SPC24: variants seen among roughly 807,000 people sequenced by gnomAD.
The protein encoded by SPC24 is SPC24 component of NDC80 kinetochore complex.
In SPC24, 31 loss-of-function variants were observed where a neutral mutation model predicts 27.6. The ratio of observed to expected loss-of-function variants is 1.12; its 90% CI spans 0.84 to 1.52. SPC24 has a LOEUF of 1.52. SPC24 is among the 40% of genes most tolerant of loss of function. SPC24 has a pLI of 0.00. For synonymous variants in SPC24, 105 were observed against 105.8 expected (o/e 0.99, Z 0.05); for missense variants, 284 against 252.5 (o/e 1.12, Z -0.84).
At position 11,155,738 on chromosome 19, in the gene SPC24, C is replaced by A. The variant is rs1168529641; in HGVS notation, c.39G>T (p.Gly13=). ...AFRDIEEVSQ[G]LLSLLGANRA... is the part of the protein sequence containing the mutation. ...GGTTGGCGCCCAGCAGGCTGAGCAG[C>A]CCCTGGCTCACCTCCTCTATGTCGC... Residue 13 remains glycine, a synonymous_variant, in exon 1 of 5, where the codon GGG becomes GGT. Transcript: ENST00000592540. The A allele has an allele frequency of 2.5e-6, 4 of 1,578,126 alleles. No homozygotes were observed. Among genetic ancestry groups the A allele is most frequent in the South Asian group, 1.1e-5 (1 of 88,194 alleles).
rs79972037 is a variant in SPC24 at position 11,147,717 on chromosome 19, C to T, written c.487+101G>A. The T allele has an allele frequency of 9.1e-3, 9,831 of 1,084,016 alleles. 416 individuals are homozygous for T. In the East Asian group the frequency reaches 0.092, roughly 10 times the overall value. The allele number at this position is 1,084,016 out of a possible 1,614,324, so 67.1% of individuals were successfully genotyped here. ...CCAGGTAGCTGGGACAACAGATGCA[C>T]GCCACCACACCCGGCTAATTTTTAC... On this transcript the variant is annotated intron_variant, in intron 4 of 4. Coordinates refer to ENST00000592540, the MANE Select transcript of SPC24 (RefSeq NM_182513.4).
chr19:11,150,722 G>T (rs1271169052), intron 1 of SPC24, among the ~76,000 whole-genome samples: 6 of 152,182 alleles, frequency 3.9e-5, no homozygotes, highest in Non-Finnish European at 8.8e-5. Context: ...GGTTGAGGCT[G>T]CAGTGAGCCA....
chr19:11,154,202 G>A (rs1380633902), intron 1 of SPC24, among the ~76,000 whole-genome samples: 4 of 152,014 alleles, frequency 2.6e-5, no homozygotes, highest in South Asian at 2.1e-4. Context: ...AACACAATGC[G>A]GTCCATCCTT....
Position 11,147,143 on chromosome 19 carries a change from G to A in SPC24, c.*40C>T, listed in dbSNP as rs2147310788. ...ATTTGAAATGGATCTGACCACGGCAGATGCCCGCTGGGTGCAAGACGCAGC... is the reference window on the plus strand; with the variant it reads ...ATTTGAAATGGATCTGACCACGGCAAATGCCCGCTGGGTGCAAGACGCAGC... On this transcript the variant is annotated 3_prime_UTR_variant, in exon 5 of 5. Coordinates refer to ENST00000592540, the MANE Select transcript of SPC24 (RefSeq NM_182513.4). 1.6e-6 allele frequency: 2 copies of A among 1,265,790 alleles called. No homozygotes were observed. The highest frequency in any genetic ancestry group is 2.2e-6 in the Non-Finnish European group (2 of 898,326). 78.4% of individuals were successfully genotyped at this position (1,265,790 alleles called of 1,614,324 possible).
intron 1 of SPC24, among the ~76,000 whole-genome samples, chr19:11,153,546 G>C (rs1365949611): frequency 6.6e-6 from 1 of 151,952 alleles, no homozygotes; most frequent in Non-Finnish European, 1.5e-5. Flanking sequence ...CGGATCACGA[G>C]GTCAAGAGTT....
rs545951983 is a variant in SPC24, at chr19:11,146,716, T to A, written c.*467A>T. On this transcript the variant is annotated 3_prime_UTR_variant, in exon 5 of 5. Coordinates refer to ENST00000592540, the MANE Select transcript of SPC24 (RefSeq NM_182513.4). ...GGAGGAGGCGGAGCTTGCAGTGAGCTGAGATCGCACCACTGCACTCCAGCC... is the reference window on the plus strand; with the variant it reads ...GGAGGAGGCGGAGCTTGCAGTGAGCAGAGATCGCACCACTGCACTCCAGCC... The A allele has an allele frequency of 7.0e-6, 1 of 143,148 alleles. No homozygotes were observed. The highest frequency in any genetic ancestry group is 2.2e-4 in the South Asian group (1 of 4,526). 8.9% of individuals were successfully genotyped at this position (143,148 alleles called of 1,614,324 possible).
chr19:11,155,304 C>T (rs982978154), intron 1 of SPC24, among the ~76,000 whole-genome samples: 1 of 152,140 alleles, frequency 6.6e-6, no homozygotes, highest in Non-Finnish European at 1.5e-5. Flanking sequence ...GGATTCAAAC[C>T]CGGAGCTTTG....
chr19:11,147,908 C>CAAAAA lies in SPC24; in HGVS notation c.411-19_411-15dup, dbSNP rs58845884. ...TGAGCCACGTACCTGTACAGGAAGA[C>CAAAAA]AAAAAAAAAAAAAAAAAAAAAAGAA... On this transcript the variant is annotated splice_polypyrimidine_tract_variant and intron_variant, in intron 3 of 4. Transcript: ENST00000592540. The CAAAAA allele has an allele frequency of 2.7e-3, 2,961 of 1,111,540 alleles. 2 individuals carry two copies. Among genetic ancestry groups the CAAAAA allele is most frequent in the South Asian group, 0.013 (773 of 60,734 alleles). 68.9% of individuals were successfully genotyped at this position (1,111,540 alleles called of 1,614,324 possible).
rs148193947 is a variant in SPC24 at position 11,149,647 on chromosome 19, G to A, written c.161-409C>T. On this transcript the variant is annotated intron_variant, in intron 1 of 4. Transcript: ENST00000592540. ...TGTAATCCCAGAACTTTCGGAGGCCGAAGTGGGCAGATCACCTAAGGTCAG... is the reference window on the plus strand; with the variant it reads ...TGTAATCCCAGAACTTTCGGAGGCCAAAGTGGGCAGATCACCTAAGGTCAG... Among the ~76,000 whole-genome samples, 803 of 151,588 alleles carry A rather than the reference G, an allele frequency of 5.3e-3. 2 individuals carry two copies. Among genetic ancestry groups the A allele is most frequent in the African/African-American group, 0.018 (752 of 41,324 alleles).
At chr19:11,149,261 C>G in intron 1 of SPC24, 23 bp from the exon 2 acceptor site, 2 of 1,495,432 alleles carry the variant, frequency 1.3e-6, no homozygotes, top group South Asian at 2.6e-5. Flanking sequence ...GAGAAGCAGG[C>G]TCCCTAGGGT....
At chr19:11,148,265 T>G in intron 2 of SPC24, 148 bp from the exon 3 acceptor site, 1 of 620,576 alleles carries the variant, frequency 1.6e-6, no homozygotes, top group Non-Finnish European at 2.8e-6. Context: ...TGGAGTGCAG[T>G]GGCACGACCT....
intron 1 of SPC24, among the ~76,000 whole-genome samples, chr19:11,154,978 G>T (rs1207284501): frequency 6.6e-6 from 1 of 152,134 alleles, no homozygotes; most frequent in Non-Finnish European, 1.5e-5. Flanking sequence ...CTGAGGTCAG[G>T]AGTTTGAGAC....
intron 1 of SPC24, among the ~76,000 whole-genome samples, chr19:11,154,923 C>T (rs1273624660): frequency 6.6e-6 from 1 of 152,128 alleles, no homozygotes; most frequent in African/African-American, 2.4e-5. Context: ...CAGTGGCTCA[C>T]GTCTGCAGTC....
In SPC24 at chr19:11,155,715, T is replaced by C. The variant is rs770781199; in HGVS notation, c.62A>G (p.Asn21Ser). The change falls in exon 1 of 5, where the codon AAC (asparagine) becomes AGC (serine). Residue 21 changes from asparagine to serine, a missense_variant. By Grantham distance (46) the Asn-to-Ser change is conservative. Transcript: ENST00000592540. ...SQGLLSLLGA[N>S]RAEAQQRRLL... ...CCGTCGCTGCTGCGCCTCCGCGCGG[T>C]TGGCGCCCAGCAGGCTGAGCAGCCC... 11 of 1,576,228 alleles carry C rather than the reference T, an allele frequency of 7.0e-6. No individual in the cohort carries two copies. Among genetic ancestry groups the C allele is most frequent in the East Asian group, 2.3e-5 (1 of 42,868 alleles).
Position 11,145,676 on chromosome 19 carries a change from G to A in SPC24, c.*1507C>T, listed in dbSNP as rs559679528. 2.0e-5 allele frequency: 3 copies of A among 152,244 alleles called. No homozygotes were observed. The highest frequency in any genetic ancestry group is 2.1e-4 in the South Asian group (1 of 4,824). 9.4% of individuals were successfully genotyped at this position (152,244 alleles called of 1,614,324 possible). ...CAGGCTCCTGTCATCCCTAAAGGAC[G>A]GCACTCGTCTGTACACGTGGCAGTA... On this transcript the variant is annotated 3_prime_UTR_variant, in exon 5 of 5. Transcript: ENST00000592540.
chr19:11,155,485 G>T, intron 1 of SPC24, 132 bp downstream of exon 1: 1 of 1,086,550 alleles, frequency 9.2e-7, no homozygotes, highest in Non-Finnish European at 1.3e-6. Context: ...CTCAGAGGGG[G>T]CCGTCCCAGG....
chr19:11,155,621 C>G lies in SPC24; in HGVS notation c.156G>C (p.Leu52=). The G allele has an allele frequency of 6.5e-7, 1 of 1,543,810 alleles. No individual in the cohort carries two copies. Among genetic ancestry groups the G allele is most frequent in the Non-Finnish European group, 8.7e-7 (1 of 1,150,516 alleles). The change falls in exon 1 of 5, where the codon CTG becomes CTC. Residue 52 remains leucine (L), a synonymous_variant. Coordinates refer to ENST00000592540, the MANE Select transcript of SPC24 (RefSeq NM_182513.4). The stretch of plus-strand genomic sequence containing the variant: ...CGACCACGCTCCGACCCTCACCTCG[C>G]AGCTGCTTCTCGGCACCGTCTTGCG... ...LETQDGAEKQ[L]REILTMEKEV... is the part of the protein sequence containing the mutation.
At chr19:11,154,954 G>A (rs62129140) in intron 1 of SPC24, among the ~76,000 whole-genome samples, 5,586 of 152,260 alleles carry the variant, frequency 0.037, 145 homozygotes, top group Non-Finnish European at 0.059. Context: ...GGGAGGCTGA[G>A]GCAGGCAGAT....
chr19:11,154,408 G>A (rs747842966), intron 1 of SPC24, among the ~76,000 whole-genome samples: 4 of 152,044 alleles, frequency 2.6e-5, no homozygotes, highest in Non-Finnish European at 5.9e-5. Flanking sequence ...GCATGGTGGC[G>A]CATAAGTGTG....
Sources: allele counts gnomAD v4.1 joint callset (sites outside exome capture counted in the v4.1 genomes callset), GRCh38; gene constraint gnomAD v4.1.1; transcripts MANE v1.5; gene names NCBI Gene and HGNC (gene_info 2026-07-23, HGNC 2026-07-21).